The following CDH13 variants were observed in gnomAD, a reference collection of about 807,000 sequenced individuals.
CDH13 encodes the protein cadherin-13.
CDH13 carries 24 observed loss-of-function variants against 63.8 expected under a neutral mutation model. The ratio of observed to expected loss-of-function variants is 0.38; its 90% CI spans 0.27 to 0.53. CDH13 has a LOEUF of 0.53. Among genes scored for constraint, CDH13 ranks in the 20% least tolerant of loss-of-function variants. The pLI is 0.85. For synonymous variants in CDH13, 503 were observed against 355.3 expected (o/e 1.42, Z -4.67); for missense variants, 1,049 against 903.1 (o/e 1.16, Z -2.07).
At chr16:83,762,759 T>C (rs1188340888) in intron 11 of CDH13, among the ~76,000 whole-genome samples, 1 of 152,180 alleles carries the variant, frequency 6.6e-6, no homozygotes. Context: ...TAACCTAATC[T>C]TTCCCCCTCC....
At chr16:82,737,530 T>G (rs2033733294) in intron 1 of CDH13, among the ~76,000 whole-genome samples, 1 of 152,222 alleles carries the variant, frequency 6.6e-6, no homozygotes, top group African/African-American at 2.4e-5. Flanking sequence ...GATCTCAATA[T>G]CAACCACTGC....
At chr16:82,955,542 C>A (rs926251150) in intron 2 of CDH13, among the ~76,000 whole-genome samples, 9 of 152,278 alleles carry the variant, frequency 5.9e-5, no homozygotes, top group African/African-American at 2.2e-4. Flanking sequence ...TTCTAAGTAG[C>A]CAGATTTTAA....
chr16:83,570,355 T>G (rs1904460920), intron 7 of CDH13, among the ~76,000 whole-genome samples: 2 of 152,124 alleles, frequency 1.3e-5, no homozygotes, highest in African/African-American at 4.8e-5. Flanking sequence ...TCACACCTGG[T>G]CTCTGATGAC....
chr16:83,124,294 C>T (rs1307749318), intron 3 of CDH13, among the ~76,000 whole-genome samples: 2 of 152,180 alleles, frequency 1.3e-5, no homozygotes, highest in Non-Finnish European at 2.9e-5. Flanking sequence ...GATCGGCCTG[C>T]CCTGGCCTCC....
chr16:82,828,803 T>C (rs958405061), intron 1 of CDH13, among the ~76,000 whole-genome samples: 1 of 152,124 alleles, frequency 6.6e-6, no homozygotes, highest in African/African-American at 2.4e-5. Flanking sequence ...ATAAGTAATC[T>C]AGAAATAATT....
chr16:83,667,052 T>C (rs1567499439), intron 8 of CDH13, among the ~76,000 whole-genome samples: 1 of 150,630 alleles, frequency 6.6e-6, no homozygotes, highest in African/African-American at 2.4e-5. Flanking sequence ...AATGGAAGGA[T>C]GGATGGATGA....
chr16:83,489,380 C>T (rs891746078), intron 7 of CDH13, among the ~76,000 whole-genome samples: 1 of 152,156 alleles, frequency 6.6e-6, no homozygotes, highest in African/African-American at 2.4e-5. Flanking sequence ...ATTGGAAAAT[C>T]AATGAAAATG....
chr16:82,652,684 C>T (rs1469221413), intron 1 of CDH13, among the ~76,000 whole-genome samples: 1 of 151,384 alleles, frequency 6.6e-6, no homozygotes, highest in African/African-American at 2.4e-5. Flanking sequence ...ACCAACTTAA[C>T]TGGCCTGCAT....
chr16:83,127,532 C>A (rs2035865762), intron 4 of CDH13, among the ~76,000 whole-genome samples: 1 of 151,974 alleles, frequency 6.6e-6, no homozygotes, highest in African/African-American at 2.4e-5. Context: ...GAGTTCAAGA[C>A]CATCCTGGCC....
At chr16:83,188,979 C>G (rs1169597881) in intron 4 of CDH13, among the ~76,000 whole-genome samples, 1 of 152,126 alleles carries the variant, frequency 6.6e-6, no homozygotes, top group East Asian at 1.9e-4. Flanking sequence ...ACACTGGGAT[C>G]TCAGTCATGG....
chr16:83,372,724 CCTGGTG>C (rs1197030232), intron 6 of CDH13, among the ~76,000 whole-genome samples: 7 of 145,262 alleles, frequency 4.8e-5, no homozygotes, highest in African/African-American at 1.8e-4. Flanking sequence ...TGCACTCCAG[CCTGGTG>C]ACAGAGCGAG....
chr16:82,630,546 T>A (rs538360568), intron 1 of CDH13, among the ~76,000 whole-genome samples: 2 of 152,332 alleles, frequency 1.3e-5, no homozygotes, highest in South Asian at 4.1e-4. Flanking sequence ...GTATCCTCTA[T>A]GTGTTATAGT....
At chr16:83,312,765 C>T (rs1002062441) in intron 5 of CDH13, among the ~76,000 whole-genome samples, 6 of 152,212 alleles carry the variant, frequency 3.9e-5, no homozygotes, top group Non-Finnish European at 8.8e-5. Context: ...AGCTCAATCA[C>T]TTGTCTCTTG....
chr16:83,181,020 C>G (rs1035723890), intron 4 of CDH13: 24 of 1,516,066 alleles, frequency 1.6e-5, no homozygotes, highest in Non-Finnish European at 2.1e-5. Context: ...ATTTTACTTC[C>G]CACTAGCACT....
intron 4 of CDH13, among the ~76,000 whole-genome samples, chr16:83,185,131 G>C (rs964372059): frequency 6.6e-6 from 1 of 151,982 alleles, no homozygotes; most frequent in East Asian, 1.9e-4. Context: ...GAATCCTAAG[G>C]GTCCTACAGC....
At chr16:82,810,338 A>C (rs1235326899) in intron 1 of CDH13, among the ~76,000 whole-genome samples, 1 of 152,136 alleles carries the variant, frequency 6.6e-6, no homozygotes, top group African/African-American at 2.4e-5. Flanking sequence ...ATGCCTGCCG[A>C]ACAGAAGGAG....
At chr16:83,787,671 G>A (rs187202046) in intron 13 of CDH13, among the ~76,000 whole-genome samples, 3 of 152,276 alleles carry the variant, frequency 2.0e-5, no homozygotes, top group Admixed American at 6.5e-5. Context: ...AGCTAGGTGC[G>A]GTGGCTCACC....
chr16:83,629,512 C>T, intron 8 of CDH13, among the ~76,000 whole-genome samples: 1 of 152,212 alleles, frequency 6.6e-6, no homozygotes, highest in East Asian at 1.9e-4. Context: ...AGCATGCCAT[C>T]TCTCCACTTT....
chr16:82,738,426 ATC>A (rs2033784311), intron 1 of CDH13, among the ~76,000 whole-genome samples: 1 of 152,048 alleles, frequency 6.6e-6, no homozygotes, highest in East Asian at 1.9e-4. Context: ...CTCACCTGAA[ATC>A]TCTCTCATTC....
Sources: allele counts gnomAD v4.1 joint callset (sites outside exome capture counted in the v4.1 genomes callset), GRCh38; gene constraint gnomAD v4.1.1; transcripts MANE v1.5; gene names NCBI Gene and HGNC (gene_info 2026-07-23, HGNC 2026-07-21).